The following ASCC2 variants were observed in gnomAD, a reference collection of about 807,000 sequenced individuals.
The protein encoded by ASCC2 is ASC-1 complex subunit P100.
ASCC2 carries 42 observed loss-of-function variants against 93.5 expected under a neutral mutation model. That is an observed-to-expected ratio of 0.45 (90% CI 0.35 to 0.58). The LOEUF (loss-of-function observed/expected upper bound fraction) is 0.58. ASCC2 is among the 20% of genes least tolerant of loss of function. The pLI is 0.00. For synonymous variants in ASCC2, 364 were observed against 384.2 expected (o/e 0.95, Z 0.62); for missense variants, 859 against 977.6 (o/e 0.88, Z 1.62).
chr22:29,802,696 A>G (rs2059233059), intron 13 of ASCC2, among the ~76,000 whole-genome samples: 1 of 151,976 alleles, frequency 6.6e-6, no homozygotes, highest in Non-Finnish European at 1.5e-5. Context: ...TAATCCTAGC[A>G]CTTTGGGAGG....
At chr22:29,801,915 T>C in intron 14 of ASCC2, 79 bp downstream of exon 14, 1 of 1,195,708 alleles carries the variant, frequency 8.4e-7, no homozygotes, top group Non-Finnish European at 1.2e-6. Context: ...GGGCCATGAA[T>C]GAGGGAAGGA....
At chr22:29,805,688 A>C (rs1343475303) in intron 12 of ASCC2, among the ~76,000 whole-genome samples, 1 of 151,876 alleles carries the variant, frequency 6.6e-6, no homozygotes, top group African/African-American at 2.4e-5. Flanking sequence ...TACTCTATAC[A>C]CGTCTGTGGC....
chr22:29,834,854 T>A (rs2063582054), intron 1 of ASCC2, among the ~76,000 whole-genome samples: 2 of 152,038 alleles, frequency 1.3e-5, no homozygotes, highest in African/African-American at 2.4e-5. Flanking sequence ...TAATAATAAT[T>A]TTTTTTTCTA....
chr22:29,818,102 G>GA lies in ASCC2; in HGVS notation c.542-2030dup, dbSNP rs34780837. 3.8e-3 allele frequency among the ~76,000 whole-genome samples: 453 copies of GA among 118,796 alleles called. 3 individuals are homozygous for GA. Among genetic ancestry groups the GA allele is most frequent in the African/African-American group, 8.0e-3 (262 of 32,668 alleles). The allele number at this position is 118,796 out of a possible 152,430, so 77.9% of individuals were successfully genotyped here. A position where few individuals can be genotyped will look rare whatever the true frequency, so the allele number is the denominator to read the frequency against. ...GAGGCCAAGGTGGGAGGATTGCTTGGAAAAAAAAAAAAAAAAGCAAGGTAA... is the reference window on the plus strand; with the variant it reads ...GAGGCCAAGGTGGGAGGATTGCTTGGAAAAAAAAAAAAAAAAAGCAAGGTAA... On this transcript the variant is annotated intron_variant, in intron 5 of 19. Transcript: ENST00000307790.
Position 29,789,025 on chromosome 22 carries a change from C to T in ASCC2, c.2262G>A (p.Met754Ile). 6.2e-7 allele frequency: 1 copy of T among 1,614,184 alleles called. No individual in the cohort carries two copies. Among genetic ancestry groups the T allele is most frequent in the Non-Finnish European group, 8.5e-7 (1 of 1,180,014 alleles). Residue 754 changes from methionine to isoleucine, a missense_variant, in exon 20 of 20, where the codon ATG becomes ATA. By Grantham distance (10) the Met-to-Ile change is conservative. Transcript: ENST00000307790. Reference protein sequence around the residue: ...TMADRKRSKGMIPS With the variant: ...TMADRKRSKGIIPS ...CCTGCACCAGGTCTCAGGATGGGAT[C>T]ATGCCTTTGCTCCTCTTGCGGTCGG...
At chr22:29,814,583 C>G in intron 7 of ASCC2, 74 bp downstream of exon 7, 1 of 1,313,222 alleles carries the variant, frequency 7.6e-7, no homozygotes, top group African/African-American at 1.5e-5. Context: ...GGGCAATCTT[C>G]CCAGCCTCTG....
intron 4 of ASCC2, among the ~76,000 whole-genome samples, chr22:29,824,050 G>A (rs1000196544): frequency 7.2e-5 from 11 of 151,832 alleles, no homozygotes; most frequent in African/African-American, 1.9e-4. Context: ...TAAATTAGCC[G>A]GGTGTGGTGG....
chr22:29,837,294 G>A lies in ASCC2; in HGVS notation c.-18+884C>T, dbSNP rs529353239. On this transcript the variant is annotated intron_variant, in intron 1 of 19. Transcript: ENST00000307790. ...AAAAAAAAAAAAAAATTAGCAGGGC[G>A]TGGTGGTGCATGCCTGTAATCCTAG... Among the ~76,000 whole-genome samples, 468 of 151,906 alleles carry A rather than the reference G, an allele frequency of 3.1e-3. 2 individuals carry two copies. The highest frequency in any genetic ancestry group is 5.5e-3 in the Non-Finnish European group (377 of 67,956).
In ASCC2 at chr22:29,789,049, G is replaced by C. The variant is rs372345494; in HGVS notation, c.2238C>G (p.Ala746=). 1 of 1,614,144 alleles carries C rather than the reference G, an allele frequency of 6.2e-7. No individual in the cohort carries two copies. The highest frequency in any genetic ancestry group is 8.5e-7 in the Non-Finnish European group (1 of 1,180,018). Residue 746 remains alanine (A), a synonymous_variant, in exon 20 of 20, where the codon GCC becomes GCG. Transcript: ENST00000307790. ...TCATGCCTTTGCTCCTCTTGCGGTC[G>C]GCCATGGTTCTCCGGTTGTGGTTGG... ...TRANHNRRTM[A]DRKRSKGMIP... is the part of the protein sequence containing the mutation.
intron 9 of ASCC2, among the ~76,000 whole-genome samples, chr22:29,807,235 CAAAAAAAAAAAAAAAA>C: frequency 2.2e-5 from 1 of 46,476 alleles, no homozygotes; most frequent in Non-Finnish European, 4.5e-5. Context: ...GACCCTGTCT[CAAAAAAAAAAAAAAAA>C]AAAAAAAAAG....
At chr22:29,793,274 C>T in intron 17 of ASCC2, 86 bp downstream of exon 17, 5 of 1,573,040 alleles carry the variant, frequency 3.2e-6, no homozygotes, top group Non-Finnish European at 3.5e-6. Context: ...CTGGATCTGC[C>T]ACATCTGTGT....
intron 13 of ASCC2, among the ~76,000 whole-genome samples, chr22:29,802,600 A>G (rs12172139): frequency 0.054 from 8,207 of 152,158 alleles, 344 homozygotes; most frequent in South Asian, 0.17. Context: ...CAGGAGTTAG[A>G]CCAGCCTGAG....
intron 6 of ASCC2, chr22:29,815,367 T>G (rs1243550152): frequency 1.3e-5 from 2 of 152,702 alleles, no homozygotes; most frequent in African/African-American, 4.8e-5. Flanking sequence ...GCCAGGCAAG[T>G]ATAATGAACA....
intron 15 of ASCC2, among the ~76,000 whole-genome samples, chr22:29,794,508 TA>T (rs1006045213): frequency 2.0e-5 from 3 of 151,814 alleles, no homozygotes; most frequent in Admixed American, 6.6e-5. Context: ...AATAAATAAA[TA>T]AAAAAGGTAA....
chr22:29,828,804 A>C (rs73161076), intron 2 of ASCC2, among the ~76,000 whole-genome samples: 66 of 152,350 alleles, frequency 4.3e-4, no homozygotes, highest in Non-Finnish European at 6.9e-4. Context: ...GGTGGTAGAA[A>C]TGCTCATTGA....
chr22:29,825,406 G>A lies in ASCC2; in HGVS notation c.241-149C>T. On this transcript the variant is annotated intron_variant, in intron 3 of 19. Coordinates refer to ENST00000307790, the MANE Select transcript of ASCC2 (RefSeq NM_032204.5). The surrounding 1 kb of genome is among the most constrained non-coding windows in gnomAD (Gnocchi z 4.9). Reference sequence around the variant, plus strand: ...ACCAAGGAGGTATGAATGAGCCAAGGGCTAAACACAAGATTCTAAAATTGA... The same window carrying A: ...ACCAAGGAGGTATGAATGAGCCAAGAGCTAAACACAAGATTCTAAAATTGA... The A allele has an allele frequency of 1.7e-6, 2 of 1,187,032 alleles. No individual in the cohort carries two copies. Among genetic ancestry groups the A allele is most frequent in the East Asian group, 2.5e-5 (1 of 40,426 alleles). 73.5% of individuals were successfully genotyped at this position (1,187,032 alleles called of 1,614,324 possible).
Position 29,790,615 on chromosome 22 carries a change from GC to G in ASCC2, c.2023-68del, listed in dbSNP as rs1469851835. ...CCACATTTTCCTAAGCGGCGATGAG[GC>G]CCTGCTCAAGTGAAGCTTGTCGATG... On this transcript the variant is annotated intron_variant, in intron 18 of 19. Transcript: ENST00000307790. 2.2e-5 allele frequency: 33 copies of G among 1,515,830 alleles called. No individual in the cohort carries two copies. In the Admixed American group the frequency reaches 2.4e-4, roughly 11 times the overall value. 93.9% of individuals were successfully genotyped at this position (1,515,830 alleles called of 1,614,324 possible).
In ASCC2 at chr22:29,824,102, T is replaced by C. The variant is rs2061961996; in HGVS notation, c.411+985A>G. ...TACTTTGGAGGCTGAGGCTGGAGGA[T>C]TCCTTGAGCTCAGGAGTTTGAGGCT... On this transcript the variant is annotated intron_variant, in intron 4 of 19. Transcript: ENST00000307790. 2.0e-5 allele frequency among the ~76,000 whole-genome samples: 3 copies of C among 151,972 alleles called. No homozygotes were observed. The South Asian group carries it at 6.2e-4, about 32-fold the overall frequency.
At position 29,793,640 on chromosome 22, in the gene ASCC2, G is replaced by A. The variant is rs367902597; in HGVS notation, c.1725C>T (p.Asn575=). The change falls in exon 16 of 20, where the codon AAC becomes AAT. Residue 575 remains asparagine (N), a synonymous_variant. Coordinates refer to ENST00000307790, the MANE Select transcript of ASCC2 (RefSeq NM_032204.5). ...RKEENTRSLL[N]DKRAVAAQRQ... ...GCTGTGCCGCCACTGCACGCTTGTC[G>A]TTCAGCAAACTCCGCGTGTTTTCCT... is the stretch of plus-strand genomic sequence containing the variant. 1.6e-5 allele frequency: 25 copies of A among 1,596,074 alleles called. No individual in the cohort carries two copies. The highest frequency in any genetic ancestry group is 1.9e-5 in the Non-Finnish European group (22 of 1,172,098).
Sources: allele counts gnomAD v4.1 joint callset (sites outside exome capture counted in the v4.1 genomes callset), GRCh38; gene constraint gnomAD v4.1.1; non-coding constraint Gnocchi (gnomAD v3.1); transcripts MANE v1.5; gene names NCBI Gene and HGNC (gene_info 2026-07-23, HGNC 2026-07-21).